VSTM5: variants seen among roughly 807,000 people sequenced by gnomAD.
The protein encoded by VSTM5 is V-set and transmembrane domain-containing protein 5.
Under a neutral mutation model 20.3 loss-of-function variants are expected in VSTM5, and 21 were observed. That is an observed-to-expected ratio of 1.03 (90% confidence interval 0.73 to 1.49). The LOEUF is 1.49. Ranked by LOEUF, VSTM5 falls within the 40% of genes most tolerant of loss-of-function variation. The pLI is 0.00. For missense variants in VSTM5, 219 were observed against 250.0 expected (o/e 0.88, Z 0.84); for synonymous variants, 100 against 102.5 (o/e 0.98, Z 0.14).
At chr11:93,821,622 C>A in intron 1 of VSTM5, 1 of 385,546 alleles carries the variant, frequency 2.6e-6, no homozygotes, top group Non-Finnish European at 4.7e-6. Flanking sequence ...GGTTCTCTCC[C>A]AGTATATGGG....
At chr11:93,837,542 A>G (rs1201049471) in intron 1 of VSTM5, among the ~76,000 whole-genome samples, 3 of 152,062 alleles carry the variant, frequency 2.0e-5, no homozygotes, top group East Asian at 3.9e-4. Flanking sequence ...GGGTTCCAAT[A>G]TCGATCTGCC....
chr11:93,821,300 G>T lies in VSTM5; in HGVS notation c.115C>A (p.Pro39Thr). 1 of 1,551,740 alleles carries T rather than the reference G, an allele frequency of 6.4e-7. No homozygotes were observed. The highest frequency in any genetic ancestry group is 8.7e-7 in the Non-Finnish European group (1 of 1,146,996). ...ACAGTGGCATTGATGGTGGCCTGAG[G>T]AATGTATAGGGACACACCCTGACCT... ...LQSQGVSLYI[P>T]QATINATVKE... Residue 39 changes from proline (P) to threonine (T), a missense_variant, in exon 2 of 4, where the codon CCT becomes ACT. Physicochemically the swap from Pro to Thr is conservative, Grantham distance 38 (BLOSUM62 -1). Transcript: ENST00000409977.
At chr11:93,831,248 C>T (rs1041160237) in intron 1 of VSTM5, among the ~76,000 whole-genome samples, 4 of 152,016 alleles carry the variant, frequency 2.6e-5, no homozygotes, top group Non-Finnish European at 5.9e-5. Context: ...AGGCAGGTCT[C>T]GAACTCCTGG....
chr11:93,820,657 A>G (rs1447773139), intron 3 of VSTM5, 45 bp from the exon 4 acceptor site: 2 of 1,551,674 alleles, frequency 1.3e-6, no homozygotes, highest in South Asian at 2.4e-5. Flanking sequence ...CAAGCCACAT[A>G]GTGCTTTCTT....
At chr11:93,836,420 C>T (rs1944322716) in intron 1 of VSTM5, among the ~76,000 whole-genome samples, 1 of 152,202 alleles carries the variant, frequency 6.6e-6, no homozygotes, top group African/African-American at 2.4e-5. Context: ...TGGCTCCTGC[C>T]CATCACTTAG....
chr11:93,843,667 T>G (rs1010367726), intron 1 of VSTM5, among the ~76,000 whole-genome samples: 10 of 152,346 alleles, frequency 6.6e-5, no homozygotes, highest in African/African-American at 2.4e-4. Flanking sequence ...TGTTATTTAT[T>G]AAGTTATAAA....
chr11:93,846,767 T>A (rs1475917701), intron 1 of VSTM5, among the ~76,000 whole-genome samples: 1 of 2,624 alleles, frequency 3.8e-4, no homozygotes, highest in Non-Finnish European at 2.4e-3. Context: ...TTTTTTTTAA[T>A]TTTTTTTTTT....
intron 1 of VSTM5, among the ~76,000 whole-genome samples, chr11:93,828,291 C>T (rs1181928082): frequency 6.6e-6 from 1 of 152,144 alleles, no homozygotes; most frequent in Non-Finnish European, 1.5e-5. Flanking sequence ...AACCAAAGGG[C>T]TTCCCGACTT....
Position 93,821,061 on chromosome 11 carries a change from A to C in VSTM5, c.354T>G (p.Tyr118Ter). 6.4e-7 allele frequency: 1 copy of C among 1,551,750 alleles called. No homozygotes were observed. Among genetic ancestry groups the C allele is most frequent in the Admixed American group, 2.0e-5 (1 of 51,010 alleles). The change falls in exon 2 of 4, where the codon TAT (tyrosine) becomes TAG (stop). Residue 118 changes from tyrosine (Y) to a stop codon, truncating the protein, a stop_gained. Coordinates refer to ENST00000409977, the MANE Select transcript of VSTM5 (RefSeq NM_001144871.2). LOFTEE classifies it high-confidence loss of function. ...CCAGGCGCTCCGTCACGGTGATGAC[A>C]TAGTAGCCGGAATCCCTCACTCCCA... ...FSVGVRDSGY[Y>*]VITVTERLGS...
chr11:93,827,436 A>G (rs1944247965), intron 1 of VSTM5, among the ~76,000 whole-genome samples: 1 of 152,238 alleles, frequency 6.6e-6, no homozygotes, highest in South Asian at 2.1e-4. Context: ...CATGGTTTTA[A>G]AGCAAACTGC....
rs911890131 is a variant in VSTM5 at position 93,821,042 on chromosome 11, G to A, written c.373C>T (p.Arg125Cys). Residue 125 changes from arginine (R) to cysteine (C), a missense_variant, in exon 2 of 4, where the codon CGC becomes TGC. Coordinates refer to ENST00000409977, the MANE Select transcript of VSTM5 (RefSeq NM_001144871.2). ...SGYYVITVTERLGSSQFGTIV... is the reference protein window; with the variant it reads ...SGYYVITVTECLGSSQFGTIV... ...GTGCCAAACTGGCTGCTCCCCAGGCGCTCCGTCACGGTGATGACATAGTAG... is the reference window on the plus strand; with the variant it reads ...GTGCCAAACTGGCTGCTCCCCAGGCACTCCGTCACGGTGATGACATAGTAG... 24 of 1,551,694 alleles carry A rather than the reference G, an allele frequency of 1.5e-5. No individual in the cohort carries two copies. The East Asian group carries it at 2.7e-4, about 17-fold the overall frequency.
At chr11:93,823,093 T>G (rs549100607) in intron 1 of VSTM5, among the ~76,000 whole-genome samples, 1 of 152,044 alleles carries the variant, frequency 6.6e-6, no homozygotes, top group African/African-American at 2.4e-5. Flanking sequence ...AAAAAATAAA[T>G]AAAAATAACA....
At position 93,821,473 on chromosome 11, in the gene VSTM5, G is replaced by A; in HGVS notation, c.92-150C>T. 1.1e-5 allele frequency: 8 copies of A among 749,782 alleles called. No individual in the cohort carries two copies. The South Asian group carries it at 1.5e-4, about 14-fold the overall frequency. 46.4% of individuals were successfully genotyped at this position (749,782 alleles called of 1,614,324 possible). A position where few individuals can be genotyped will look rare whatever the true frequency, so the allele number is the denominator to read the frequency against. On this transcript the variant is annotated intron_variant, in intron 1 of 3. Coordinates refer to ENST00000409977, the MANE Select transcript of VSTM5 (RefSeq NM_001144871.2). ...TAGGTTCTGGTGCTTAAGCGATAAT[G>A]CTGAACAAGACACAAGGCTCCCTGG...
chr11:93,838,106 C>T (rs556052393), intron 1 of VSTM5, among the ~76,000 whole-genome samples: 5 of 152,302 alleles, frequency 3.3e-5, no homozygotes, highest in Admixed American at 1.3e-4. Context: ...GGGCTGCACA[C>T]GCTATAGCTG....
In VSTM5 at chr11:93,850,411, C is replaced by T. The variant is rs1009453251; in HGVS notation, c.91+1G>A. On this transcript the variant is annotated splice_donor_variant, in intron 1 of 3. Transcript: ENST00000409977. LOFTEE classifies it high-confidence loss of function. ...CACCCGGGGCGTCCCCCGGAGCTTACTCTGCAGACAGCGGGCTGCGGCCAG... is the reference window on the plus strand; with the variant it reads ...CACCCGGGGCGTCCCCCGGAGCTTATTCTGCAGACAGCGGGCTGCGGCCAG... The T allele has an allele frequency of 8.1e-5, 125 of 1,547,206 alleles. No individual in the cohort carries two copies. Among genetic ancestry groups the T allele is most frequent in the Admixed American group, 1.6e-4 (8 of 50,742 alleles).
intron 1 of VSTM5, chr11:93,827,483 C>G (rs1393201079): frequency 6.6e-6 from 1 of 152,078 alleles, no homozygotes; most frequent in Non-Finnish European, 1.5e-5. Context: ...AATGAGTAAC[C>G]ACGTCTGCAT....
chr11:93,850,089 G>T (rs1565306143), intron 1 of VSTM5, among the ~76,000 whole-genome samples: 1 of 152,152 alleles, frequency 6.6e-6, no homozygotes, highest in Admixed American at 6.5e-5. Flanking sequence ...CTGGGAGCCG[G>T]TTATCTCTGG....
chr11:93,842,935 AC>A (rs1481784580), intron 1 of VSTM5, among the ~76,000 whole-genome samples: 2 of 152,196 alleles, frequency 1.3e-5, no homozygotes, highest in East Asian at 3.9e-4. Context: ...AACCAAAAAT[AC>A]AAAAATTAGC....
At chr11:93,847,371 C>T (rs1008499037) in intron 1 of VSTM5, among the ~76,000 whole-genome samples, 5 of 152,124 alleles carry the variant, frequency 3.3e-5, no homozygotes, top group Non-Finnish European at 5.9e-5. Context: ...TCATCCCATC[C>T]GCCCCCACCT....
Sources: allele counts gnomAD v4.1 joint callset (sites outside exome capture counted in the v4.1 genomes callset), GRCh38; gene constraint gnomAD v4.1.1; transcripts MANE v1.5; gene names NCBI Gene and HGNC (gene_info 2026-07-23, HGNC 2026-07-21).